Variants in CDKN2D observed in about 807,000 individuals in gnomAD.
The protein encoded by CDKN2D is cyclin dependent kinase inhibitor 2D.
Under a neutral mutation model 4.7 loss-of-function variants are expected in CDKN2D, and 3 were observed. The observed-to-expected ratio is 0.64, with a 90% CI of 0.29 to 1.66. CDKN2D has a LOEUF of 1.66. CDKN2D is among the 40% of genes most tolerant of loss of function. The probability of loss-of-function intolerance (pLI) is 0.10; values close to 1 mark genes in which losing one functional copy is unlikely to be tolerated. For synonymous variants in CDKN2D, 91 were observed against 102.3 expected, an observed-to-expected ratio of 0.89 and a Z score of 0.67; for missense variants, 196 against 230.9, an observed-to-expected ratio of 0.85 and a Z score of 0.98.
chr19:10,567,510 T>G (rs1916933996), intron 1 of CDKN2D, 93 bp from the exon 2 acceptor site: 5 of 1,418,864 alleles, frequency 3.5e-6, no homozygotes, highest in Non-Finnish European at 1.9e-6. Context: ...GAAAGAGGCA[T>G]CTCCCAGAAA....
Position 10,567,293 on chromosome 19 carries a change from G to C in CDKN2D, c.266C>G (p.Thr89Ser), listed in dbSNP as rs1317396073. 6.2e-7 allele frequency: 1 copy of C among 1,614,188 alleles called. No homozygotes were observed. The highest frequency in any genetic ancestry group is 1.1e-5 in the South Asian group (1 of 91,088). The change falls in exon 2 of 2, where the codon ACC (threonine) becomes AGC (serine). Residue 89 changes from threonine to serine, a missense_variant. Coordinates refer to ENST00000393599, the MANE Select transcript of CDKN2D (RefSeq NM_001800.4). Reference protein sequence around the residue: ...HDAARTGFLDTLKVLVEHGAD... With the variant: ...HDAARTGFLDSLKVLVEHGAD... Reference sequence around the variant, plus strand: ...CCCGTGCTCCACTAGGACCTTCAGGGTGTCCAGGAATCCAGTGCGGGCTGC... The same window carrying C: ...CCCGTGCTCCACTAGGACCTTCAGGCTGTCCAGGAATCCAGTGCGGGCTGC...
At position 10,567,887 on chromosome 19, in the gene CDKN2D, C is replaced by T. The variant is rs1320039120; in HGVS notation, c.142-470G>A. On this transcript the variant is annotated intron_variant, in intron 1 of 1. Transcript: ENST00000393599. ...TCCTCCTACATAATGGTGATGTCAC[C>T]TCAGAGTACCTGAGAGCTCCTTTCA... Among the ~76,000 whole-genome samples the T allele has an allele frequency of 2.6e-5, 4 of 152,154 alleles. No homozygotes were observed. In the East Asian group the frequency reaches 5.8e-4, roughly 22 times the overall value.
At position 10,566,487 on chromosome 19, in the gene CDKN2D, T is replaced by C. The variant is rs1041201203; in HGVS notation, c.*571A>G. On this transcript the variant is annotated 3_prime_UTR_variant, in exon 2 of 2. Coordinates refer to ENST00000393599, the MANE Select transcript of CDKN2D (RefSeq NM_001800.4). ...TGATCATGCACAAGTCTTAATTTAA[T>C]GGGTAAAAACATTAAATTATTACAA... 3 of 226,760 alleles carry C rather than the reference T, an allele frequency of 1.3e-5. No individual in the cohort carries two copies. Among genetic ancestry groups the C allele is most frequent in the African/African-American group, 6.7e-5 (3 of 44,580 alleles). 14.0% of individuals were successfully genotyped at this position (226,760 alleles called of 1,614,324 possible). A position where few individuals can be genotyped will look rare whatever the true frequency, so the allele number is the denominator to read the frequency against.
chr19:10,566,564 G>A lies in CDKN2D; in HGVS notation c.*494C>T, dbSNP rs3218219. The A allele has an allele frequency of 4.4e-4, 106 of 240,614 alleles. No individual in the cohort carries two copies. The highest frequency in any genetic ancestry group is 3.4e-3 in the Admixed American group (66 of 19,532). 14.9% of individuals were successfully genotyped at this position (240,614 alleles called of 1,614,324 possible). A position where few individuals can be genotyped will look rare whatever the true frequency, so the allele number is the denominator to read the frequency against. On this transcript the variant is annotated 3_prime_UTR_variant, in exon 2 of 2. Coordinates refer to ENST00000393599, the MANE Select transcript of CDKN2D (RefSeq NM_001800.4). ...TAGAATCCATTTCTTTTAAAACGCT[G>A]TACAAGAGACTGGAAAACAAGCTTC...
Position 10,568,556 on chromosome 19 carries a change from A to C in CDKN2D, c.98T>G (p.Val33Gly), listed in dbSNP as rs749951600. The C allele has an allele frequency of 6.7e-7, 1 of 1,500,320 alleles. No individual in the cohort carries two copies. The highest frequency in any genetic ancestry group is 8.9e-7 in the Non-Finnish European group (1 of 1,127,622). The allele number at this position is 1,500,320 out of a possible 1,614,324, so 92.9% of individuals were successfully genotyped here. A position where few individuals can be genotyped will look rare whatever the true frequency, so the allele number is the denominator to read the frequency against. ...EVRRLLHREL[V>G]HPDALNRFGK... ...GAAGCGGTTGAGGGCGTCGGGATGC[A>C]CCAGCTCCCGGTGCAGAAGGCGGCG... The change falls in exon 1 of 2, where the codon GTG becomes GGG. Residue 33 changes from valine to glycine, a missense_variant. Val to Gly is a moderately radical substitution (Grantham distance 109). Transcript: ENST00000393599.
Position 10,567,334 on chromosome 19 carries a change from G to C in CDKN2D, c.225C>G (p.Thr75=). 1 of 1,614,124 alleles carries C rather than the reference G, an allele frequency of 6.2e-7. No individual in the cohort carries two copies. The highest frequency in any genetic ancestry group is 1.3e-5 in the African/African-American group (1 of 75,014). ...TGCGGGCTGCGTCATGGACTGGACTGGTACCGGAGGTGTCCTGGACATTGG... is the reference window on the plus strand; with the variant it reads ...TGCGGGCTGCGTCATGGACTGGACTCGTACCGGAGGTGTCCTGGACATTGG... ...ASPNVQDTSG[T]SPVHDAARTG... Residue 75 remains threonine, a synonymous_variant, in exon 2 of 2, where the codon ACC becomes ACG. Transcript: ENST00000393599.
chr19:10,568,889 G>T lies in CDKN2D; in HGVS notation c.-236C>A, dbSNP rs1185254834. Reference sequence around the variant, plus strand: ...TGGGAGCCGGGCCCAACCCTCGGCCGCCCGCGGGGCCCTGCCCGGCGCCCG... The same window carrying T: ...TGGGAGCCGGGCCCAACCCTCGGCCTCCCGCGGGGCCCTGCCCGGCGCCCG... On this transcript the variant is annotated 5_prime_UTR_variant, in exon 1 of 2. Coordinates refer to ENST00000393599, the MANE Select transcript of CDKN2D (RefSeq NM_001800.4). 8.0e-6 allele frequency: 2 copies of T among 250,676 alleles called. No homozygotes were observed. The highest frequency in any genetic ancestry group is 1.3e-4 in the East Asian group (2 of 15,018). The allele number at this position is 250,676 out of a possible 1,614,324, so 15.5% of individuals were successfully genotyped here. A position where few individuals can be genotyped will look rare whatever the true frequency, so the allele number is the denominator to read the frequency against.
intron 1 of CDKN2D, 119 bp downstream of exon 1, chr19:10,568,391 GAGA>G (rs3029839): frequency 0.72 from 649,964 of 897,618 alleles, 240,151 homozygotes; most frequent in Non-Finnish European, 0.76. Flanking sequence ...TGAAAGCCTA[GAGA>G]AGAAGGACCG....
chr19:10,568,615 A>C lies in CDKN2D; in HGVS notation c.39T>G (p.Ser13Arg). The C allele has an allele frequency of 6.6e-7, 1 of 1,508,286 alleles. No individual in the cohort carries two copies. Among genetic ancestry groups the C allele is most frequent in the Non-Finnish European group, 8.8e-7 (1 of 1,135,236 alleles). The allele number at this position is 1,508,286 out of a possible 1,614,324, so 93.4% of individuals were successfully genotyped here. ...LEEVRAGDRLSGAAARGDVQE... is the reference protein window; with the variant it reads ...LEEVRAGDRLRGAAARGDVQE... ...GCACGTCGCCCCGGGCCGCCGCCCC[A>C]CTCAGCCGGTCGCCGGCGCGAACCT... Residue 13 changes from serine (S) to arginine (R), a missense_variant, in exon 1 of 2, where the codon AGT becomes AGG. Physicochemically the swap from Ser to Arg is moderately radical, Grantham distance 110 (BLOSUM62 -1). Transcript: ENST00000393599.
In CDKN2D at chr19:10,568,648, C is replaced by G; in HGVS notation, c.6G>C (p.Leu2=). Residue 2 remains leucine (L), a synonymous_variant, in exon 1 of 2, where the codon CTG becomes CTC. Coordinates refer to ENST00000393599, the MANE Select transcript of CDKN2D (RefSeq NM_001800.4). M[L]LEEVRAGDRL... Reference sequence around the variant, plus strand: ...GGTCGCCGGCGCGAACCTCCTCCAGCAGCATGTCGACACTGGCGGCCTGCA... The same window carrying G: ...GGTCGCCGGCGCGAACCTCCTCCAGGAGCATGTCGACACTGGCGGCCTGCA... The G allele has an allele frequency of 6.7e-7, 1 of 1,491,986 alleles. No homozygotes were observed. The highest frequency in any genetic ancestry group is 2.1e-5 in the Admixed American group (1 of 46,648). The allele number at this position is 1,491,986 out of a possible 1,614,324, so 92.4% of individuals were successfully genotyped here.
Position 10,567,355 on chromosome 19 carries a change from A to G in CDKN2D, c.204T>C (p.Asn68=), listed in dbSNP as rs202164204. 1 of 1,614,172 alleles carries G rather than the reference A, an allele frequency of 6.2e-7. No homozygotes were observed. The highest frequency in any genetic ancestry group is 1.3e-5 in the African/African-American group (1 of 75,052). ...LELLKQGASP[N]VQDTSGTSPV... is the part of the protein sequence containing the mutation. ...GACTGGTACCGGAGGTGTCCTGGAC[A>G]TTGGGGCTGGCACCTTGCTTCAGCA... The change falls in exon 2 of 2, where the codon AAT becomes AAC. Residue 68 remains asparagine (N), a synonymous_variant. Transcript: ENST00000393599.
chr19:10,567,768 C>T lies in CDKN2D; in HGVS notation c.142-351G>A, dbSNP rs3218216. On this transcript the variant is annotated intron_variant, in intron 1 of 1. Coordinates refer to ENST00000393599, the MANE Select transcript of CDKN2D (RefSeq NM_001800.4). The stretch of plus-strand genomic sequence containing the variant: ...GAAAATCCCCTCCAGGAAATGGGCC[C>T]CCAGAGATGGAGAACTACCCCCAAA... Among the ~76,000 whole-genome samples the T allele has an allele frequency of 8.8e-3, 1,331 of 151,686 alleles. 27 individuals carry two copies. Among genetic ancestry groups the T allele is most frequent in the African/African-American group, 0.03 (1,260 of 41,312 alleles).
chr19:10,567,665 T>A (rs1916939858), intron 1 of CDKN2D, among the ~76,000 whole-genome samples: 1 of 103,172 alleles, frequency 9.7e-6, no homozygotes, highest in Admixed American at 1.5e-4. Context: ...CAGCCCCCCA[T>A]GGAAACTTTC....
At chr19:10,567,933 A>G (rs1240782457) in intron 1 of CDKN2D, among the ~76,000 whole-genome samples, 1 of 152,092 alleles carries the variant, frequency 6.6e-6, no homozygotes, top group Non-Finnish European at 1.5e-5. Context: ...TTCCAAAAGT[A>G]ATAATAAAAG....
rs1000445138 is a variant in CDKN2D at position 10,568,792 on chromosome 19, C to T, written c.-139G>A. 1 of 490,570 alleles carries T rather than the reference C, an allele frequency of 2.0e-6. No individual in the cohort carries two copies. Among genetic ancestry groups the T allele is most frequent in the Non-Finnish European group, 3.1e-6 (1 of 324,130 alleles). The allele number at this position is 490,570 out of a possible 1,614,324, so 30.4% of individuals were successfully genotyped here. Reference sequence around the variant, plus strand: ...ACCCGGCTGCGCTGCTCTCCCGTCCCGGCTCCCCAGCCCGAGACCCCGGCC... The same window carrying T: ...ACCCGGCTGCGCTGCTCTCCCGTCCTGGCTCCCCAGCCCGAGACCCCGGCC... On this transcript the variant is annotated 5_prime_UTR_variant, in exon 1 of 2. Transcript: ENST00000393599.
In CDKN2D at chr19:10,566,933, C is replaced by T; in HGVS notation, c.*125G>A. 4 of 1,023,408 alleles carry T rather than the reference C, an allele frequency of 3.9e-6. No individual in the cohort carries two copies. Among genetic ancestry groups the T allele is most frequent in the Non-Finnish European group, 5.7e-6 (4 of 702,898 alleles). 63.4% of individuals were successfully genotyped at this position (1,023,408 alleles called of 1,614,324 possible). On this transcript the variant is annotated 3_prime_UTR_variant, in exon 2 of 2. Coordinates refer to ENST00000393599, the MANE Select transcript of CDKN2D (RefSeq NM_001800.4). Reference sequence around the variant, plus strand: ...CACCCCCAAAACCAACACCTATAAGCCACAAACTGTGCTCCTCCCCTACTG... The same window carrying T: ...CACCCCCAAAACCAACACCTATAAGTCACAAACTGTGCTCCTCCCCTACTG...
In CDKN2D at chr19:10,568,678, CCCCCG is replaced by C. The variant is rs376172221; in HGVS notation, c.-30_-26del. On this transcript the variant is annotated 5_prime_UTR_variant, in exon 1 of 2. Coordinates refer to ENST00000393599, the MANE Select transcript of CDKN2D (RefSeq NM_001800.4). ...TGTCGACACTGGCGGCCTGCAAAGC[CCCCCG>C]CCCCGCCCCAGCCCGGCGCTGTCAG... 322 of 1,382,564 alleles carry C rather than the reference CCCCCG, an allele frequency of 2.3e-4. 1 individual carries two copies. In the African/African-American group the frequency reaches 4.3e-3, roughly 18 times the overall value. 85.6% of individuals were successfully genotyped at this position (1,382,564 alleles called of 1,614,324 possible).
Position 10,566,954 on chromosome 19 carries a change from T to G in CDKN2D, c.*104A>C. Reference sequence around the variant, plus strand: ...TAAGCCACAAACTGTGCTCCTCCCCTACTGCAGCAGTGGGCAGGAGAAACA... The same window carrying G: ...TAAGCCACAAACTGTGCTCCTCCCCGACTGCAGCAGTGGGCAGGAGAAACA... On this transcript the variant is annotated 3_prime_UTR_variant, in exon 2 of 2. Coordinates refer to ENST00000393599, the MANE Select transcript of CDKN2D (RefSeq NM_001800.4). 2 of 1,216,880 alleles carry G rather than the reference T, an allele frequency of 1.6e-6. No individual in the cohort carries two copies. The highest frequency in any genetic ancestry group is 2.3e-6 in the Non-Finnish European group (2 of 875,608). 75.4% of individuals were successfully genotyped at this position (1,216,880 alleles called of 1,614,324 possible). A position where few individuals can be genotyped will look rare whatever the true frequency, so the allele number is the denominator to read the frequency against.
chr19:10,566,892 G>A lies in CDKN2D; in HGVS notation c.*166C>T, dbSNP rs1274461666. ...GGAGTGAGAAAAACAAATGAGAAACGTCCCCCAAACACTCACACCCCCAAA... is the reference window on the plus strand; with the variant it reads ...GGAGTGAGAAAAACAAATGAGAAACATCCCCCAAACACTCACACCCCCAAA... On this transcript the variant is annotated 3_prime_UTR_variant, in exon 2 of 2. Transcript: ENST00000393599. The A allele has an allele frequency of 2.5e-5, 16 of 652,170 alleles. No individual in the cohort carries two copies. The highest frequency in any genetic ancestry group is 8.9e-5 in the Admixed American group (3 of 33,744). 40.4% of individuals were successfully genotyped at this position (652,170 alleles called of 1,614,324 possible). A position where few individuals can be genotyped will look rare whatever the true frequency, so the allele number is the denominator to read the frequency against.
Sources: allele counts gnomAD v4.1 joint callset (sites outside exome capture counted in the v4.1 genomes callset), GRCh38; gene constraint gnomAD v4.1.1; transcripts MANE v1.5; gene names NCBI Gene and HGNC (gene_info 2026-07-23, HGNC 2026-07-21).